The following MAST4 variants were observed in gnomAD, a reference collection of about 807,000 sequenced individuals.
MAST4 encodes microtubule-associated serine/threonine-protein kinase 4.
Under a neutral mutation model 162.7 loss-of-function variants are expected in MAST4, and 89 were observed. That is an observed-to-expected ratio of 0.55 (90% CI 0.46 to 0.65). The LOEUF is 0.65. Ranked by LOEUF, MAST4 falls within the 30% of genes least tolerant of loss-of-function variation. The probability of loss-of-function intolerance (pLI) is 0.00; values close to 1 mark genes in which losing one functional copy is unlikely to be tolerated. For synonymous variants in MAST4, 1,479 were observed against 1,361.1 expected (o/e 1.09, Z -1.91); for missense variants, 3,153 against 3,374.0 (o/e 0.93, Z 1.62).
intron 14 of MAST4, among the ~76,000 whole-genome samples, chr5:67,123,083 C>T (rs554154717): frequency 1.6e-4 from 25 of 152,148 alleles, no homozygotes; most frequent in South Asian, 4.1e-4. Context: ...GGCTGACTGC[C>T]GGCTTATGGG....
intron 3 of MAST4, among the ~76,000 whole-genome samples, chr5:66,848,322 AAAG>A (rs1157699644): frequency 1.3e-5 from 2 of 152,210 alleles, no homozygotes; most frequent in East Asian, 1.9e-4. Flanking sequence ...GAGGCAGAAA[AAAG>A]GCGATAAGGA....
chr5:67,136,470 CCTTT>C, intron 18 of MAST4, 89 bp from the exon 19 acceptor site: 1 of 917,088 alleles, frequency 1.1e-6, no homozygotes, highest in South Asian at 1.4e-5. Flanking sequence ...TGAAATTCTG[CCTTT>C]CTGACAAATT....
chr5:67,083,102 G>A (rs1762855632), intron 5 of MAST4, among the ~76,000 whole-genome samples: 2 of 152,208 alleles, frequency 1.3e-5, no homozygotes, highest in African/African-American at 4.8e-5. Flanking sequence ...AAGATTTCCT[G>A]TGTGGTTTGT....
At chr5:67,032,644 A>G (rs560928652) in intron 4 of MAST4, among the ~76,000 whole-genome samples, 2 of 152,280 alleles carry the variant, frequency 1.3e-5, no homozygotes, top group East Asian at 3.9e-4. Context: ...ATTTTTCAGC[A>G]GCATAGTCTG....
intron 4 of MAST4, among the ~76,000 whole-genome samples, chr5:66,943,416 A>T (rs988434324): frequency 2.6e-5 from 4 of 152,146 alleles, no homozygotes; most frequent in African/African-American, 9.6e-5. Context: ...GAATATTTAA[A>T]GGTGCTTCCC....
In MAST4 at chr5:66,616,741, A is replaced by G. The variant is rs1004443923; in HGVS notation, c.363+19723A>G. Among the ~76,000 whole-genome samples the G allele has an allele frequency of 9.2e-5, 14 of 152,214 alleles. No homozygotes were observed. In the East Asian group the frequency reaches 9.6e-4, roughly 10 times the overall value. ...GAGTGCCTGGAACACTGCACAGTCT[A>G]TCTTCTGAATAGGCACACATTTCAT... On this transcript the variant is annotated intron_variant, in intron 1 of 28. Transcript: ENST00000403625.
At chr5:66,898,862 T>C (rs956493513) in intron 3 of MAST4, among the ~76,000 whole-genome samples, 3 of 152,288 alleles carry the variant, frequency 2.0e-5, no homozygotes, top group African/African-American at 7.2e-5. Context: ...CACTGCCACT[T>C]TCTGTAAGCT....
chr5:66,726,490 A>G (rs987281971), intron 1 of MAST4, among the ~76,000 whole-genome samples: 3 of 152,094 alleles, frequency 2.0e-5, no homozygotes, highest in Admixed American at 2.0e-4. Flanking sequence ...TTGCAGTTGA[A>G]TTTGGAAGAT....
chr5:66,763,435 A>G (rs2149619766), intron 2 of MAST4, among the ~76,000 whole-genome samples: 1 of 152,318 alleles, frequency 6.6e-6, no homozygotes, highest in East Asian at 1.9e-4. Context: ...ATTCATCACA[A>G]GGAAACAGTC....
intron 1 of MAST4, among the ~76,000 whole-genome samples, chr5:66,673,681 A>G (rs1747771172): frequency 6.6e-6 from 1 of 152,078 alleles, no homozygotes; most frequent in South Asian, 2.1e-4. Context: ...TTTTTAATAG[A>G]GACGAGGTTT....
intron 2 of MAST4, among the ~76,000 whole-genome samples, chr5:66,772,931 T>C (rs1016692597): frequency 2.6e-5 from 4 of 152,194 alleles, no homozygotes; most frequent in Admixed American, 2.0e-4. Context: ...CACTGCACCC[T>C]CCCTTGAACC....
At chr5:67,018,586 C>T (rs1413995739) in intron 4 of MAST4, among the ~76,000 whole-genome samples, 1 of 151,948 alleles carries the variant, frequency 6.6e-6, no homozygotes, top group African/African-American at 2.4e-5. Flanking sequence ...ATTTGACTAG[C>T]AGGAAATTGT....
chr5:66,841,004 A>T (rs1164890874), intron 3 of MAST4, among the ~76,000 whole-genome samples: 1 of 152,164 alleles, frequency 6.6e-6, no homozygotes, highest in Admixed American at 6.6e-5. Flanking sequence ...TTCTGTTTGA[A>T]TGTTGGCCCA....
intron 3 of MAST4, among the ~76,000 whole-genome samples, chr5:66,793,716 A>G (rs951540956): frequency 1.3e-5 from 2 of 152,120 alleles, no homozygotes; most frequent in Non-Finnish European, 2.9e-5. Flanking sequence ...GGTTGGTTGG[A>G]ATCCTGTGCC....
chr5:66,959,441 T>C (rs1295902439), intron 4 of MAST4: 4 of 681,480 alleles, frequency 5.9e-6, no homozygotes, highest in Non-Finnish European at 5.5e-6. Context: ...TGCATGGCAT[T>C]TGGTTTCAGC....
intron 4 of MAST4, among the ~76,000 whole-genome samples, chr5:66,965,525 G>C (rs1311328479): frequency 7.0e-6 from 1 of 143,064 alleles, no homozygotes; most frequent in African/African-American, 2.6e-5. Flanking sequence ...TTAGGGAACT[G>C]GTTGCGTTTG....
At chr5:66,883,662 C>A (rs1248005099) in intron 3 of MAST4, among the ~76,000 whole-genome samples, 1 of 151,950 alleles carries the variant, frequency 6.6e-6, no homozygotes, top group African/African-American at 2.4e-5. Context: ...CTCCTGACCT[C>A]GTGATCCACC....
At chr5:67,075,707 A>G (rs1243522313) in intron 5 of MAST4, among the ~76,000 whole-genome samples, 3 of 152,188 alleles carry the variant, frequency 2.0e-5, no homozygotes, top group African/African-American at 7.2e-5. Context: ...TTTTGCTGTA[A>G]CTATATGTCA....
chr5:66,693,563 G>A (rs1208088977), intron 1 of MAST4, among the ~76,000 whole-genome samples: 2 of 106,318 alleles, frequency 1.9e-5, no homozygotes, highest in African/African-American at 8.1e-5. Flanking sequence ...AGGAAGATTT[G>A]TTAAATGCCT....
Sources: allele counts gnomAD v4.1 joint callset (sites outside exome capture counted in the v4.1 genomes callset), GRCh38; gene constraint gnomAD v4.1.1; transcripts MANE v1.5; gene names NCBI Gene and HGNC (gene_info 2026-07-23, HGNC 2026-07-21).